The following ARL13B variants were observed in gnomAD, a reference collection of about 807,000 sequenced individuals.
ARL13B encodes ARF like GTPase 13B.
A neutral mutation model predicts 56.1 loss-of-function variants in ARL13B; 36 were observed. The observed-to-expected ratio is 0.64, with a 90% CI of 0.49 to 0.85. The LOEUF is 0.85. Among genes scored for constraint, ARL13B ranks in the 40% least tolerant of loss-of-function variants. The pLI is 0.00. For synonymous variants in ARL13B, 178 were observed against 171.1 expected, an observed-to-expected ratio of 1.04 and a Z score of -0.32; for missense variants, 519 against 507.1, an observed-to-expected ratio of 1.02 and a Z score of -0.23.
intron 3 of ARL13B, chr3:94,014,279 T>TA: frequency 1.1e-6 from 1 of 934,046 alleles, no homozygotes. Flanking sequence ...TTAACAGTGA[T>TA]GAAAGGTATG....
At chr3:93,983,358 A>G (rs1254391963) in intron 1 of ARL13B, among the ~76,000 whole-genome samples, 10 of 152,160 alleles carry the variant, frequency 6.6e-5, no homozygotes, top group Admixed American at 6.5e-4. Flanking sequence ...AACCCCACTT[A>G]TTTGGGGTTT....
chr3:94,053,072 A>G, intron 9 of ARL13B, 115 bp from the exon 10 acceptor site: 1 of 838,334 alleles, frequency 1.2e-6, no homozygotes, highest in South Asian at 1.4e-5. Flanking sequence ...AGATTCTGTA[A>G]GTTTATCTCT....
intron 6 of ARL13B, among the ~76,000 whole-genome samples, chr3:94,041,638 C>T (rs1251894639): frequency 6.6e-6 from 1 of 152,134 alleles, no homozygotes; most frequent in Admixed American, 6.6e-5. Flanking sequence ...AAATAGAACA[C>T]ATAGTCTTAT....
intron 7 of ARL13B, chr3:94,047,999 GACACACACACACACACAC>G (rs5850922): frequency 7.0e-6 from 1 of 142,250 alleles, no homozygotes; most frequent in African/African-American, 2.6e-5. Context: ...ACATTGCATA[GACACACACACACACACAC>G]ACACACACAC....
chr3:94,037,874 T>C (rs1490203488), intron 5 of ARL13B, among the ~76,000 whole-genome samples: 1 of 152,170 alleles, frequency 6.6e-6, no homozygotes, highest in African/African-American at 2.4e-5. Flanking sequence ...TAGATCATGT[T>C]ATGGCAGGCT....
At position 94,055,550 on chromosome 3, in the gene ARL13B, T is replaced by A. The variant is rs1250887012; in HGVS notation, c.*2287T>A. 2.2e-6 allele frequency: 1 copy of A among 453,870 alleles called. No homozygotes were observed. The highest frequency in any genetic ancestry group is 4.4e-6 in the Non-Finnish European group (1 of 226,704). The allele number at this position is 453,870 out of a possible 1,614,324, so 28.1% of individuals were successfully genotyped here. Reference sequence around the variant, plus strand: ...GTCTGTCTTGCGTTAAAGCTGTTGGTCAACAGATATGTTTTTATGTATTTA... The same window carrying A: ...GTCTGTCTTGCGTTAAAGCTGTTGGACAACAGATATGTTTTTATGTATTTA... On this transcript the variant is annotated 3_prime_UTR_variant, in exon 10 of 10. Transcript: ENST00000394222.
intron 1 of ARL13B, among the ~76,000 whole-genome samples, chr3:93,995,477 T>G (rs1166134897): frequency 6.6e-6 from 1 of 152,196 alleles, no homozygotes; most frequent in East Asian, 1.9e-4. Context: ...AAAACAGTTA[T>G]GTACTTTCAT....
chr3:93,981,883 A>G lies in ARL13B; in HGVS notation c.59+1401A>G, dbSNP rs1233463806. 4.6e-4 allele frequency among the ~76,000 whole-genome samples: 69 copies of G among 150,978 alleles called. 1 individual carries two copies. The highest frequency in any genetic ancestry group is 1.5e-3 in the African/African-American group (61 of 40,912). On this transcript the variant is annotated intron_variant, in intron 1 of 9. Transcript: ENST00000394222. Reference sequence around the variant, plus strand: ...CCTGTCTCAAAAAAAAAAAAAAAAAAAAAAAAGAAAAAAGTCAAAGAGTTG... The same window carrying G: ...CCTGTCTCAAAAAAAAAAAAAAAAAGAAAAAAGAAAAAAGTCAAAGAGTTG...
intron 1 of ARL13B, 55 bp downstream of exon 1, chr3:93,980,537 C>G: frequency 1.3e-6 from 2 of 1,598,376 alleles, no homozygotes; most frequent in South Asian, 1.1e-5. Flanking sequence ...GGCTGCGCCC[C>G]AGGGGCGAGG....
rs759230334 is a variant in ARL13B at position 94,014,977 on chromosome 3, A to G, written c.380+11069A>G. On this transcript the variant is annotated intron_variant, in intron 3 of 9. Coordinates refer to ENST00000394222, the MANE Select transcript of ARL13B (RefSeq NM_001174150.2). ...GTTGATGTATTCTGCCTGAATTTTT[A>G]TCTCCTTTGTAATGGTAGACTCTCT... 6 of 1,613,894 alleles carry G rather than the reference A, an allele frequency of 3.7e-6. No homozygotes were observed. The Admixed American group carries it at 8.3e-5, about 22-fold the overall frequency.
chr3:94,030,966 G>A (rs1055698350), intron 3 of ARL13B, among the ~76,000 whole-genome samples: 28 of 152,162 alleles, frequency 1.8e-4, no homozygotes, highest in African/African-American at 5.6e-4. Context: ...GAGCCTAGGA[G>A]TTTGAGACCA....
intron 3 of ARL13B, among the ~76,000 whole-genome samples, chr3:94,033,302 C>T (rs868408094): frequency 6.6e-6 from 1 of 152,230 alleles, no homozygotes; most frequent in Middle Eastern, 3.4e-3. Context: ...AAAGCCCAGA[C>T]CTCACCACTA....
chr3:94,037,760 C>T (rs2107124673), intron 5 of ARL13B, among the ~76,000 whole-genome samples: 1 of 151,820 alleles, frequency 6.6e-6, no homozygotes, highest in South Asian at 2.1e-4. Context: ...CCTTTTCCTC[C>T]ACTAAGAAAA....
intron 3 of ARL13B, among the ~76,000 whole-genome samples, chr3:94,008,139 C>T (rs2076164930): frequency 6.6e-6 from 1 of 152,116 alleles, no homozygotes; most frequent in Non-Finnish European, 1.5e-5. Flanking sequence ...AAATGATTTG[C>T]ATTCCTTTTA....
rs1220028802 is a variant in ARL13B, at chr3:94,050,151, G to A, written c.1141+629G>A. On this transcript the variant is annotated intron_variant, in intron 8 of 9. Coordinates refer to ENST00000394222, the MANE Select transcript of ARL13B (RefSeq NM_001174150.2). ...TGCACTCCAGCCTGGGTGACAGGGTGAGACTCCATCTCGGGAAAAAAAAAA... is the reference window on the plus strand; with the variant it reads ...TGCACTCCAGCCTGGGTGACAGGGTAAGACTCCATCTCGGGAAAAAAAAAA... Among the ~76,000 whole-genome samples the A allele has an allele frequency of 2.1e-5, 3 of 141,996 alleles. No homozygotes were observed. The Admixed American group carries it at 2.2e-4, about 10-fold the overall frequency. 93.2% of individuals were successfully genotyped at this position (141,996 alleles called of 152,430 possible).
In ARL13B at chr3:94,025,029, G is replaced by C. The variant is rs188269730; in HGVS notation, c.381-10302G>C. Among the ~76,000 whole-genome samples the C allele has an allele frequency of 2.2e-3, 336 of 152,288 alleles. 1 individual carries two copies. The highest frequency in any genetic ancestry group is 0.014 in the Middle Eastern group (4 of 294). ...GGCCTCTGGGAAGGTGAATTTTCCT[G>C]TGAAGTGCCTTTGAGAAGGTGCATT... On this transcript the variant is annotated intron_variant, in intron 3 of 9. Transcript: ENST00000394222.
chr3:94,052,504 A>G (rs1281086585), intron 9 of ARL13B, among the ~76,000 whole-genome samples: 2 of 152,152 alleles, frequency 1.3e-5, no homozygotes, highest in African/African-American at 4.8e-5. Context: ...ATTTCAAGAT[A>G]GAGAGTTAGG....
At chr3:93,998,773 CT>C (rs1191429188) in intron 2 of ARL13B, among the ~76,000 whole-genome samples, 1 of 152,028 alleles carries the variant, frequency 6.6e-6, no homozygotes, top group Non-Finnish European at 1.5e-5. Context: ...GTTTGTGTAT[CT>C]TTTTTCTTCA....
intron 3 of ARL13B, among the ~76,000 whole-genome samples, chr3:94,013,999 A>G (rs1329881637): frequency 6.6e-6 from 1 of 152,218 alleles, no homozygotes; most frequent in African/African-American, 2.4e-5. Context: ...TTATTGTAGC[A>G]TGATTCTTAA....
Sources: allele counts gnomAD v4.1 joint callset (sites outside exome capture counted in the v4.1 genomes callset), GRCh38; gene constraint gnomAD v4.1.1; transcripts MANE v1.5; gene names NCBI Gene and HGNC (gene_info 2026-07-23, HGNC 2026-07-21).